Variants in PDE1C observed in about 807,000 individuals in gnomAD.
PDE1C encodes phosphodiesterase 1C, also known as dual specificity calcium/calmodulin-dependent 3',5'-cyclic nucleotide phosphodiesterase 1C.
In PDE1C, 62 loss-of-function variants were observed where a neutral mutation model predicts 93.1. That is an observed-to-expected ratio of 0.67 (90% CI 0.54 to 0.82). The LOEUF (loss-of-function observed/expected upper bound fraction) is 0.82. Among genes scored for constraint, PDE1C ranks in the 40% least tolerant of loss-of-function variants. The pLI, the probability that PDE1C is intolerant of heterozygous loss-of-function variation, is 0.00. For missense variants in PDE1C, 742 were observed against 884.6 expected (o/e 0.84, Z 2.04); for synonymous variants, 325 against 310.1 (o/e 1.05, Z -0.50).
intron 2 of PDE1C, among the ~76,000 whole-genome samples, chr7:32,045,399 T>C (rs1433435678): frequency 6.6e-6 from 1 of 152,150 alleles, no homozygotes; most frequent in Non-Finnish European, 1.5e-5. Flanking sequence ...CACATTCTCA[T>C]GGCTGATGCA....
chr7:32,281,135 A>T (rs1001288280), intron 1 of PDE1C, among the ~76,000 whole-genome samples: 1 of 152,234 alleles, frequency 6.6e-6, no homozygotes, highest in East Asian at 1.9e-4. Context: ...CTACCTTATT[A>T]CAAAATGAAT....
chr7:31,855,438 CT>C (rs1010946713), intron 7 of PDE1C, among the ~76,000 whole-genome samples: 37 of 152,090 alleles, frequency 2.4e-4, no homozygotes, highest in African/African-American at 8.7e-4. Flanking sequence ...TTAAATTCTT[CT>C]GATTGTTAGC....
chr7:31,936,327 C>G (rs1805064977), intron 2 of PDE1C, among the ~76,000 whole-genome samples: 1 of 151,790 alleles, frequency 6.6e-6, no homozygotes, highest in South Asian at 2.1e-4. Flanking sequence ...CTACAAAAAG[C>G]CAATGGAAAG....
chr7:31,832,775 C>A (rs1260038228), intron 11 of PDE1C, among the ~76,000 whole-genome samples: 1 of 152,190 alleles, frequency 6.6e-6, no homozygotes, highest in Non-Finnish European at 1.5e-5. Context: ...TTGCCTCTAG[C>A]ACATTTTTAT....
At chr7:32,374,734 G>A (rs1784406346) in intron 1 of PDE1C, among the ~76,000 whole-genome samples, 1 of 152,228 alleles carries the variant, frequency 6.6e-6, no homozygotes, top group African/African-American at 2.4e-5. Flanking sequence ...AGACTTTGGG[G>A]TGCTTTGCTA....
chr7:31,641,253 T>G, the PDE1C span, among the ~76,000 whole-genome samples: 1 of 152,164 alleles, frequency 6.6e-6, no homozygotes, highest in Non-Finnish European at 1.5e-5. Context: ...AATCCCCTAT[T>G]TATCACTTAG....
At chr7:31,690,863 GGAAT>G in the PDE1C span, among the ~76,000 whole-genome samples, 2 of 152,106 alleles carry the variant, frequency 1.3e-5, no homozygotes, top group African/African-American at 4.8e-5. Context: ...CTTCTTCTGA[GGAAT>G]GAATATTTTC....
At chr7:31,994,775 C>T (rs1359757526) in intron 2 of PDE1C, among the ~76,000 whole-genome samples, 1 of 152,172 alleles carries the variant, frequency 6.6e-6, no homozygotes, top group Non-Finnish European at 1.5e-5. Flanking sequence ...TAACCTTAGG[C>T]AAATCCAGGA....
chr7:31,698,667 A>G, the PDE1C span, among the ~76,000 whole-genome samples: 1 of 152,346 alleles, frequency 6.6e-6, no homozygotes, highest in South Asian at 2.1e-4. Context: ...GTTCTAGGCA[A>G]TGGTACAGGA....
intron 2 of PDE1C, among the ~76,000 whole-genome samples, chr7:31,901,164 T>C (rs893976831): frequency 3.4e-5 from 5 of 149,216 alleles, no homozygotes; most frequent in East Asian, 1.9e-4. Context: ...TTACGAATTA[T>C]AGTCAATGAA....
At chr7:31,717,771 G>T in the PDE1C span, among the ~76,000 whole-genome samples, 1 of 152,080 alleles carries the variant, frequency 6.6e-6, no homozygotes, top group East Asian at 1.9e-4. Flanking sequence ...ACAGAGACAG[G>T]CCCTTAAAGG....
At chr7:31,886,520 C>G (rs930836917) in intron 2 of PDE1C, among the ~76,000 whole-genome samples, 1 of 152,174 alleles carries the variant, frequency 6.6e-6, no homozygotes, top group African/African-American at 2.4e-5. Flanking sequence ...AAATGCAGTG[C>G]CTTCTCTCAG....
chr7:31,908,392 C>T (rs1478536356), intron 2 of PDE1C, among the ~76,000 whole-genome samples: 1 of 152,018 alleles, frequency 6.6e-6, no homozygotes, highest in Non-Finnish European at 1.5e-5. Flanking sequence ...AGCAGATGAC[C>T]AAAACGCCCC....
intron 16 of PDE1C, among the ~76,000 whole-genome samples, chr7:31,795,962 G>GA (rs1785233505): frequency 1.3e-5 from 2 of 151,002 alleles, no homozygotes; most frequent in Non-Finnish European, 3.0e-5. Context: ...ATGTTTAATC[G>GA]AAAAAACCTT....
rs540663203 is a variant in PDE1C at position 32,170,736 on chromosome 7, T to G, written c.137-780A>C. Among the ~76,000 whole-genome samples, 30 of 152,268 alleles carry G rather than the reference T, an allele frequency of 2.0e-4. No homozygotes were observed. In the East Asian group the frequency reaches 3.5e-3, roughly 18 times the overall value. On this transcript the variant is annotated intron_variant, in intron 2 of 18. Coordinates refer to the PDE1C transcript ENST00000396193. ...AATAGTATGCCTGAGTCACCTGACC[T>G]TGGCCTCCTGCCTCCCTTGTCGCCC...
chr7:31,693,762 T>C, the PDE1C span, among the ~76,000 whole-genome samples: 64,292 of 152,102 alleles, frequency 0.42, 14,857 homozygotes, highest in East Asian at 0.68. Flanking sequence ...GAAATTTACC[T>C]GAATAGTTTT....
the PDE1C span, among the ~76,000 whole-genome samples, chr7:31,695,065 G>T: frequency 6.6e-6 from 1 of 152,122 alleles, no homozygotes; most frequent in Non-Finnish European, 1.5e-5. Context: ...GGAGATTTAG[G>T]TTCCATACTG....
At chr7:32,232,672 G>T (rs1191985959) in intron 1 of PDE1C, among the ~76,000 whole-genome samples, 1 of 152,166 alleles carries the variant, frequency 6.6e-6, no homozygotes, top group Admixed American at 6.5e-5. Flanking sequence ...TGAACTTCTG[G>T]ACTCATCTGT....
At position 32,083,794 on chromosome 7, in the gene PDE1C, C is replaced by T. The variant is rs566352331; in HGVS notation, c.308+85991G>A. 7.2e-5 allele frequency among the ~76,000 whole-genome samples: 11 copies of T among 152,070 alleles called. No homozygotes were observed. In the South Asian group the frequency reaches 2.3e-3, roughly 32 times the overall value. On this transcript the variant is annotated intron_variant, in intron 3 of 18. Coordinates refer to the PDE1C transcript ENST00000396193. ...AGAAATAAAATACTTTACAGACAAG[C>T]AAATGCTGAGAGATTTGGTCACCAC...
Sources: allele counts gnomAD v4.1 joint callset (sites outside exome capture counted in the v4.1 genomes callset), GRCh38; gene constraint gnomAD v4.1.1; transcripts MANE v1.5; gene names NCBI Gene and HGNC (gene_info 2026-07-23, HGNC 2026-07-21).